Variants in PCDHB4 observed in about 807,000 individuals in gnomAD.
PCDHB4 encodes the protein protocadherin beta 4, also known as protocadherin beta-4.
For missense variants in PCDHB4, 1,063 were observed against 1,007.0 expected, an observed-to-expected ratio of 1.06 and a Z score of -0.75; for synonymous variants, 482 against 447.3, an observed-to-expected ratio of 1.08 and a Z score of -0.98.
At position 141,124,757 on chromosome 5, in the gene PCDHB4, C is replaced by T. The variant is rs961577783; in HGVS notation, c.*371C>T. The T allele has an allele frequency of 6.1e-6, 1 of 163,988 alleles. No individual in the cohort carries two copies. The highest frequency in any genetic ancestry group is 5.9e-5 in the Admixed American group (1 of 16,938). 10.2% of individuals were successfully genotyped at this position (163,988 alleles called of 1,614,324 possible). ...TTGAATTTCTAAATATTTGTTGTGC[C>T]TGTCTTTACCATGTAACTTAATGTT... On this transcript the variant is annotated 3_prime_UTR_variant, in exon 1 of 1. Coordinates refer to ENST00000194152, the MANE Select transcript of PCDHB4 (RefSeq NM_018938.4).
chr5:141,123,445 G>A lies in PCDHB4; in HGVS notation c.1447G>A (p.Ala483Thr), dbSNP rs782764025. ...CACAGACAGAGACTCGGGCACCAAC[G>A]CCCAGGTCACCTACTCGCTGCTGCC... ...SATDRDSGTN[A>T]QVTYSLLPPQ... Residue 483 changes from alanine (A) to threonine (T), a missense_variant, in exon 1 of 1, where the codon GCC (alanine) becomes ACC (threonine). Coordinates refer to ENST00000194152, the MANE Select transcript of PCDHB4 (RefSeq NM_018938.4). The A allele has an allele frequency of 1.2e-6, 2 of 1,613,064 alleles. No homozygotes were observed. Among genetic ancestry groups the A allele is most frequent in the Non-Finnish European group, 1.7e-6 (2 of 1,180,042 alleles).
Position 141,122,774 on chromosome 5 carries a change from C to G in PCDHB4, c.776C>G (p.Pro259Arg), listed in dbSNP as rs1399761193. ...QVLENSPLDS[P>R]IVRVLARDID... ...CTGGAAAACAGCCCCCTAGACTCTC[C>G]AATTGTTAGGGTCTTAGCTAGAGAT... The change falls in exon 1 of 1, where the codon CCA becomes CGA. Residue 259 changes from proline (P) to arginine (R), a missense_variant. Coordinates refer to ENST00000194152, the MANE Select transcript of PCDHB4 (RefSeq NM_018938.4). The G allele has an allele frequency of 6.2e-7, 1 of 1,614,078 alleles. No individual in the cohort carries two copies. Among genetic ancestry groups the G allele is most frequent in the East Asian group, 2.2e-5 (1 of 44,868 alleles).
In PCDHB4 at chr5:141,121,861, T is replaced by C. The variant is rs550472050; in HGVS notation, c.-138T>C. ...AAGCAGTGCAGGTTTACCAACGGCT[T>C]GGGGCAGCGATATACTAAACAAATT... On this transcript the variant is annotated 5_prime_UTR_variant, in exon 1 of 1. Coordinates refer to ENST00000194152, the MANE Select transcript of PCDHB4 (RefSeq NM_018938.4). The C allele has an allele frequency of 1.6e-6, 1 of 617,752 alleles. No individual in the cohort carries two copies. Among genetic ancestry groups the C allele is most frequent in the East Asian group, 2.8e-5 (1 of 35,284 alleles). The allele number at this position is 617,752 out of a possible 1,614,324, so 38.3% of individuals were successfully genotyped here. A position where few individuals can be genotyped will look rare whatever the true frequency, so the allele number is the denominator to read the frequency against.
chr5:141,122,304 A>T lies in PCDHB4; in HGVS notation c.306A>T (p.Val102=). 6.2e-7 allele frequency: 1 copy of T among 1,614,058 alleles called. No individual in the cohort carries two copies. Among genetic ancestry groups the T allele is most frequent in the African/African-American group, 1.3e-5 (1 of 75,046 alleles). The change falls in exon 1 of 1, where the codon GTA becomes GTT. Residue 102 remains valine, a synonymous_variant. Transcript: ENST00000194152. ...EELCGPIEPC[V]LHFQVFLEMP... ...TCTGTGGTCCTATTGAACCGTGTGT[A>T]CTGCATTTCCAAGTGTTCCTGGAAA...
At position 141,123,586 on chromosome 5, in the gene PCDHB4, G is replaced by C; in HGVS notation, c.1588G>C (p.Val530Leu). Reference sequence around the variant, plus strand: ...GGCCCTGCAGGCGTTCGAGTTCCGCGTGGGCGCCTCAGACCGCGGTTCTCC... The same window carrying C: ...GGCCCTGCAGGCGTTCGAGTTCCGCCTGGGCGCCTCAGACCGCGGTTCTCC... Reference protein sequence around the residue: ...YEALQAFEFRVGASDRGSPAL... With the variant: ...YEALQAFEFRLGASDRGSPAL... Residue 530 changes from valine (V) to leucine (L), a missense_variant, in exon 1 of 1, where the codon GTG becomes CTG. Transcript: ENST00000194152. 2 of 1,612,530 alleles carry C rather than the reference G, an allele frequency of 1.2e-6. No homozygotes were observed. Among genetic ancestry groups the C allele is most frequent in the Non-Finnish European group, 1.7e-6 (2 of 1,179,818 alleles).
At position 141,121,966 on chromosome 5, in the gene PCDHB4, GAGGGGATTGGATAT is replaced by G; in HGVS notation, c.-28_-15del. The G allele has an allele frequency of 6.9e-7, 1 of 1,453,520 alleles. No individual in the cohort carries two copies. Among genetic ancestry groups the G allele is most frequent in the South Asian group, 1.4e-5 (1 of 73,704 alleles). 90.0% of individuals were successfully genotyped at this position (1,453,520 alleles called of 1,614,324 possible). A position where few individuals can be genotyped will look rare whatever the true frequency, so the allele number is the denominator to read the frequency against. On this transcript the variant is annotated 5_prime_UTR_variant, in exon 1 of 1. Transcript: ENST00000194152. Reference sequence around the variant, plus strand: ...TGTCTCAAGTCTCGTTGCGGTTGCTGAGGGGATTGGATATAGGGACCTGGACTCCAACATGAAGA... The same window carrying G: ...TGTCTCAAGTCTCGTTGCGGTTGCTGAGGGACCTGGACTCCAACATGAAGA...
At position 141,122,650 on chromosome 5, in the gene PCDHB4, T is replaced by A. The variant is rs782009188; in HGVS notation, c.652T>A (p.Ser218Thr). ...SLTLVALDGG[S>T]PPRSGTVMVR... ...AACCCTCGTGGCGCTGGATGGTGGG[T>A]CACCACCTAGGTCTGGCACGGTCAT... Residue 218 changes from serine to threonine, a missense_variant, in exon 1 of 1, where the codon TCA becomes ACA. Transcript: ENST00000194152. The A allele has an allele frequency of 1.1e-5, 18 of 1,614,030 alleles. No individual in the cohort carries two copies. Among genetic ancestry groups the A allele is most frequent in the Admixed American group, 1.7e-5 (1 of 60,000 alleles).
Position 141,124,978 on chromosome 5 carries a change from G to A in PCDHB4, c.*592G>A, listed in dbSNP as rs1255861494. 2.0e-5 allele frequency: 3 copies of A among 151,960 alleles called. No individual in the cohort carries two copies. Among genetic ancestry groups the A allele is most frequent in the Non-Finnish European group, 4.4e-5 (3 of 67,974 alleles). 9.4% of individuals were successfully genotyped at this position (151,960 alleles called of 1,614,324 possible). ...AAAATTGTGGTCCTTTTCCTCTTGT[G>A]ACCACCACATGTCTAGTGATTATTT... On this transcript the variant is annotated 3_prime_UTR_variant, in exon 1 of 1. Transcript: ENST00000194152.
chr5:141,123,482 C>T lies in PCDHB4; in HGVS notation c.1484C>T (p.Pro495Leu), dbSNP rs377427985. The change falls in exon 1 of 1, where the codon CCG becomes CTG. Residue 495 changes from proline to leucine, a missense_variant. Physicochemically the swap from Pro to Leu is moderately conservative, Grantham distance 98. Transcript: ENST00000194152. Reference protein sequence around the residue: ...VTYSLLPPQDPHLPLASLVSI... With the variant: ...VTYSLLPPQDLHLPLASLVSI... Reference sequence around the variant, plus strand: ...TACTCGCTGCTGCCGCCCCAGGACCCGCACCTGCCCCTCGCCTCCCTGGTC... The same window carrying T: ...TACTCGCTGCTGCCGCCCCAGGACCTGCACCTGCCCCTCGCCTCCCTGGTC... 126 of 1,613,194 alleles carry T rather than the reference C, an allele frequency of 7.8e-5. No individual in the cohort carries two copies. Among genetic ancestry groups the T allele is most frequent in the Non-Finnish European group, 9.7e-5 (115 of 1,180,054 alleles).
chr5:141,123,260 C>CTGAGTACAA lies in PCDHB4; in HGVS notation c.1262_1263insTGAGTACAA (p.Ala421_Val422insGluTyrAsn). 6.2e-7 allele frequency: 1 copy of CTGAGTACAA among 1,614,194 alleles called. No homozygotes were observed. Among genetic ancestry groups the CTGAGTACAA allele is most frequent in the South Asian group, 1.1e-5 (1 of 91,068 alleles). Reference sequence around the variant, plus strand: ...AGCGCTGAGTACAACATCACCATCGCCGTCACTGACTTGGGGACACCCAGG... The same window carrying CTGAGTACAA: ...AGCGCTGAGTACAACATCACCATCGCTGAGTACAACGTCACTGACTTGGGGACACCCAGG... On this transcript the variant is annotated inframe_insertion, in exon 1 of 1. Transcript: ENST00000194152.
At position 141,122,835 on chromosome 5, in the gene PCDHB4, C is replaced by G; in HGVS notation, c.837C>G (p.Gly279=). 6.2e-7 allele frequency: 1 copy of G among 1,613,636 alleles called. No individual in the cohort carries two copies. Among genetic ancestry groups the G allele is most frequent in the Non-Finnish European group, 8.5e-7 (1 of 1,179,660 alleles). The change falls in exon 1 of 1, where the codon GGC becomes GGG. Residue 279 remains glycine, a synonymous_variant. Coordinates refer to ENST00000194152, the MANE Select transcript of PCDHB4 (RefSeq NM_018938.4). ...DAGNFGSVSY[G]LFQASDEIKQ... ...GAAACTTCGGGAGTGTTTCTTATGG[C>G]TTATTCCAAGCATCAGATGAAATTA...
Position 141,121,996 on chromosome 5 carries a change from A to G in PCDHB4, c.-3A>G. 1.3e-6 allele frequency: 2 copies of G among 1,573,578 alleles called. No homozygotes were observed. The highest frequency in any genetic ancestry group is 1.7e-6 in the Non-Finnish European group (2 of 1,160,252). On this transcript the variant is annotated 5_prime_UTR_variant, in exon 1 of 1. Coordinates refer to ENST00000194152, the MANE Select transcript of PCDHB4 (RefSeq NM_018938.4). ...GATTGGATATAGGGACCTGGACTCC[A>G]ACATGAAGAAGCTAGGGAGAATTCA...
In PCDHB4 at chr5:141,123,862, G is replaced by T. The variant is rs782064797; in HGVS notation, c.1864G>T (p.Glu622Ter). The T allele has an allele frequency of 1.2e-6, 2 of 1,606,932 alleles. No homozygotes were observed. Among genetic ancestry groups the T allele is most frequent in the Non-Finnish European group, 8.5e-7 (1 of 1,178,824 alleles). ...GLFGVWAHNG[E>*]VRTARLLSER... The stretch of plus-strand genomic sequence containing the variant: ...GTTCGGCGTGTGGGCGCACAATGGC[G>T]AGGTGCGCACCGCCAGGCTGCTGAG... Residue 622 changes from glutamate (E) to a stop codon, truncating the protein, a stop_gained, in exon 1 of 1, where the codon GAG becomes TAG. Transcript: ENST00000194152. LOFTEE classifies it low-confidence loss of function (END_TRUNC).
rs1752333028 is a variant in PCDHB4 at position 141,123,282 on chromosome 5, C to T, written c.1284C>T (p.Pro428=). The change falls in exon 1 of 1, where the codon CCC becomes CCT. Residue 428 remains proline, a synonymous_variant. Coordinates refer to ENST00000194152, the MANE Select transcript of PCDHB4 (RefSeq NM_018938.4). Reference sequence around the variant, plus strand: ...TCGCCGTCACTGACTTGGGGACACCCAGGCTGAAAACCCAGCAGAACATAA... The same window carrying T: ...TCGCCGTCACTGACTTGGGGACACCTAGGCTGAAAACCCAGCAGAACATAA... ...ITIAVTDLGT[P]RLKTQQNITV... is the part of the protein sequence containing the mutation. The T allele has an allele frequency of 1.2e-6, 2 of 1,614,178 alleles. No individual in the cohort carries two copies. The highest frequency in any genetic ancestry group is 1.7e-6 in the Non-Finnish European group (2 of 1,180,036).
In PCDHB4 at chr5:141,122,524, C is replaced by T. The variant is rs782017048; in HGVS notation, c.526C>T (p.His176Tyr). 1.2e-6 allele frequency: 2 copies of T among 1,614,108 alleles called. No individual in the cohort carries two copies. The highest frequency in any genetic ancestry group is 4.5e-5 in the East Asian group (2 of 44,890). ...LQKYTISPNS[H>Y]FHILTRNHSE... ...AAAATACACAATCAGCCCCAATTCTCATTTTCACATTCTCACTCGAAATCA... is the reference window on the plus strand; with the variant it reads ...AAAATACACAATCAGCCCCAATTCTTATTTTCACATTCTCACTCGAAATCA... The change falls in exon 1 of 1, where the codon CAT (histidine) becomes TAT (tyrosine). Residue 176 changes from histidine to tyrosine, a missense_variant. His to Tyr is a moderately conservative substitution (Grantham distance 83). Transcript: ENST00000194152.
chr5:141,122,947 G>GA lies in PCDHB4; in HGVS notation c.952dup (p.Ile318AsnfsTer2), dbSNP rs782521911. The GA allele has an allele frequency of 2.0e-5, 32 of 1,611,622 alleles. No homozygotes were observed. In the African/African-American group the frequency reaches 3.6e-4, roughly 18 times the overall value. ...CGAAAAAATTAAATCTTACCATGTA[G>GA]AAATTGAGGCCACAGATGGAGGAGG... On this transcript the variant is annotated frameshift_variant, in exon 1 of 1. Coordinates refer to ENST00000194152, the MANE Select transcript of PCDHB4 (RefSeq NM_018938.4). LOFTEE classifies it low-confidence loss of function (END_TRUNC).
chr5:141,121,862 G>T lies in PCDHB4; in HGVS notation c.-137G>T. On this transcript the variant is annotated 5_prime_UTR_variant, in exon 1 of 1. Coordinates refer to ENST00000194152, the MANE Select transcript of PCDHB4 (RefSeq NM_018938.4). ...AGCAGTGCAGGTTTACCAACGGCTT[G>T]GGGCAGCGATATACTAAACAAATTT... 1 of 620,420 alleles carries T rather than the reference G, an allele frequency of 1.6e-6. No homozygotes were observed. Among genetic ancestry groups the T allele is most frequent in the Non-Finnish European group, 2.8e-6 (1 of 355,960 alleles). 38.4% of individuals were successfully genotyped at this position (620,420 alleles called of 1,614,324 possible). A position where few individuals can be genotyped will look rare whatever the true frequency, so the allele number is the denominator to read the frequency against.
At position 141,123,099 on chromosome 5, in the gene PCDHB4, C is replaced by T. The variant is rs2149626267; in HGVS notation, c.1101C>T (p.Phe367=). The T allele has an allele frequency of 6.2e-7, 1 of 1,613,710 alleles. No homozygotes were observed. Among genetic ancestry groups the T allele is most frequent in the African/African-American group, 1.3e-5 (1 of 74,968 alleles). The change falls in exon 1 of 1, where the codon TTC becomes TTT. Residue 367 remains phenylalanine, a synonymous_variant. Transcript: ENST00000194152. ...CTCCTGAGACGGTAGTCTCTATCTT[C>T]CGAATTCGAGATAGAGATTCCGGAG... ...ENAPETVVSI[F]RIRDRDSGEN... is the part of the protein sequence containing the mutation.
In PCDHB4 at chr5:141,121,962, T is replaced by C. The variant is rs1554274250; in HGVS notation, c.-37T>C. ...TGAATGTCTCAAGTCTCGTTGCGGTTGCTGAGGGGATTGGATATAGGGACC... is the reference window on the plus strand; with the variant it reads ...TGAATGTCTCAAGTCTCGTTGCGGTCGCTGAGGGGATTGGATATAGGGACC... On this transcript the variant is annotated 5_prime_UTR_variant, in exon 1 of 1. Transcript: ENST00000194152. 7.0e-7 allele frequency: 1 copy of C among 1,425,926 alleles called. No individual in the cohort carries two copies. The allele number at this position is 1,425,926 out of a possible 1,614,324, so 88.3% of individuals were successfully genotyped here. A position where few individuals can be genotyped will look rare whatever the true frequency, so the allele number is the denominator to read the frequency against.
Sources: gnomAD v4.1 joint callset for allele counts on GRCh38, gnomAD v4.1.1 for gene constraint, MANE v1.5 for transcripts, NCBI Gene and HGNC (gene_info 2026-07-23, HGNC 2026-07-21) for gene names.